MED13: variants seen among roughly 807,000 people sequenced by gnomAD.
MED13 encodes mediator complex subunit 13.
In MED13, 23 loss-of-function variants were observed where a neutral mutation model predicts 225.2. That is an observed-to-expected ratio of 0.10 (90% CI 0.07 to 0.14). The LOEUF is 0.14. Ranked by LOEUF, MED13 falls within the 10% of genes least tolerant of loss-of-function variation. MED13 has a pLI of 1.00. For synonymous variants in MED13, 942 were observed against 889.2 expected (o/e 1.06, Z -1.06); for missense variants, 2,197 against 2,594.5 (o/e 0.85, Z 3.33).
chr17:62,064,069 G>A (rs901971445), intron 1 of MED13, among the ~76,000 whole-genome samples: 2 of 152,188 alleles, frequency 1.3e-5, no homozygotes, highest in East Asian at 1.9e-4. Flanking sequence ...AAGGAGCAAA[G>A]CATAAGGTGC....
intron 11 of MED13, among the ~76,000 whole-genome samples, chr17:61,990,499 G>A (rs1323136724): frequency 4.0e-5 from 6 of 151,662 alleles, no homozygotes. Context: ...AACTGTAACT[G>A]TGTTGTGACA....
At chr17:62,021,497 C>T (rs915944487) in intron 8 of MED13, among the ~76,000 whole-genome samples, 1 of 151,920 alleles carries the variant, frequency 6.6e-6, no homozygotes, top group Non-Finnish European at 1.5e-5. Context: ...GGCGGCCGGG[C>T]AGAGGCGCCC....
chr17:61,959,401 TA>T (rs1399812575), intron 23 of MED13, among the ~76,000 whole-genome samples: 1 of 152,152 alleles, frequency 6.6e-6, no homozygotes, highest in African/African-American at 2.4e-5. Context: ...AAAAGGGTGG[TA>T]TTTTTTTTCT....
At chr17:62,063,362 A>C (rs2081056783) in intron 1 of MED13, 61 bp from the exon 2 acceptor site, 1 of 1,049,840 alleles carries the variant, frequency 9.5e-7, no homozygotes, top group Admixed American at 2.1e-5. Context: ...AAAAGTACTC[A>C]ATATGATGTC....
rs368998634 is a variant in MED13 at position 61,988,735 on chromosome 17, G to GT, written c.2264-1608dup. On this transcript the variant is annotated intron_variant, in intron 11 of 29. Transcript: ENST00000397786. Reference sequence around the variant, plus strand: ...ACCCAATTTGTTTCCGAGTTTTTTCGTTTTTTTTTTTAATGTATGTATTGT... The same window carrying GT: ...ACCCAATTTGTTTCCGAGTTTTTTCGTTTTTTTTTTTTAATGTATGTATTGT... 2.6e-3 allele frequency among the ~76,000 whole-genome samples: 379 copies of GT among 143,478 alleles called. 2 individuals carry two copies. The highest frequency in any genetic ancestry group is 6.7e-3 in the African/African-American group (266 of 39,464). The allele number at this position is 143,478 out of a possible 152,430, so 94.1% of individuals were successfully genotyped here.
chr17:61,946,535 C>T lies in MED13; in HGVS notation c.6458G>A (p.Arg2153His). The T allele has an allele frequency of 8.1e-6, 13 of 1,613,836 alleles. No homozygotes were observed. Among genetic ancestry groups the T allele is most frequent in the Non-Finnish European group, 1.1e-5 (13 of 1,179,766 alleles). ...LTCDPATQDR[R>H]SCLPIHFVVL... ...CACAAAATGAATTGGGAGACATGAGCGTCTGTCCTGGGTTGCAGGGTCACA... is the reference window on the plus strand; with the variant it reads ...CACAAAATGAATTGGGAGACATGAGTGTCTGTCCTGGGTTGCAGGGTCACA... The change falls in exon 30 of 30, where the codon CGC (arginine) becomes CAC (histidine). Residue 2153 changes from arginine to histidine, a missense_variant. Physicochemically the swap from Arg to His is conservative, Grantham distance 29. This residue lies in a region of MED13 where 216 missense variants were observed against 388.9 expected (regional missense o/e 0.56). Coordinates refer to ENST00000397786, the MANE Select transcript of MED13 (RefSeq NM_005121.3).
At chr17:62,021,249 T>C (rs1208906578) in intron 8 of MED13, among the ~76,000 whole-genome samples, 16 of 148,656 alleles carry the variant, frequency 1.1e-4, no homozygotes, top group African/African-American at 4.0e-4. Context: ...GGCTCCTCAC[T>C]TCCCAGTAGG....
chr17:62,065,113 T>C, intron 1 of MED13, 27 bp downstream of exon 1: 3 of 1,513,870 alleles, frequency 2.0e-6, no homozygotes, highest in South Asian at 2.5e-5. Flanking sequence ...CCCCCCTCCC[T>C]CGGCGCCCGC....
chr17:62,050,249 T>C (rs188721488), intron 3 of MED13, among the ~76,000 whole-genome samples: 172 of 151,320 alleles, frequency 1.1e-3, no homozygotes, highest in Non-Finnish European at 1.9e-4. Flanking sequence ...TCCCAGCTAC[T>C]CAGGAGGCTG....
intron 2 of MED13, among the ~76,000 whole-genome samples, chr17:62,057,885 T>C (rs896499031): frequency 2.0e-5 from 3 of 152,232 alleles, no homozygotes; most frequent in African/African-American, 7.2e-5. Context: ...TAACTTGCTA[T>C]GATTTTTTTA....
chr17:62,055,498 T>G (rs1024178738), intron 2 of MED13, among the ~76,000 whole-genome samples: 3 of 152,136 alleles, frequency 2.0e-5, no homozygotes, highest in Admixed American at 6.5e-5. Flanking sequence ...AAATCTATTT[T>G]AGTTAAACTT....
chr17:61,946,436 T>C lies in MED13; in HGVS notation c.*32A>G. 1 of 1,599,066 alleles carries C rather than the reference T, an allele frequency of 6.3e-7. No individual in the cohort carries two copies. Among genetic ancestry groups the C allele is most frequent in the Admixed American group, 1.7e-5 (1 of 57,264 alleles). ...GCAGCGAAACATCCATTTTTCCTTG[T>C]TCTTTTCTTGCACAGTTCCATCAAA... On this transcript the variant is annotated 3_prime_UTR_variant, in exon 30 of 30. Transcript: ENST00000397786.
chr17:62,050,666 A>G (rs2080949047), intron 3 of MED13, among the ~76,000 whole-genome samples: 1 of 152,344 alleles, frequency 6.6e-6, no homozygotes, highest in Non-Finnish European at 1.5e-5. Context: ...GCAGCCTTTC[A>G]TTTTAAATCT....
intron 9 of MED13, among the ~76,000 whole-genome samples, chr17:62,001,509 C>T (rs1040602754): frequency 1.3e-5 from 2 of 152,156 alleles, no homozygotes; most frequent in Non-Finnish European, 2.9e-5. Flanking sequence ...TCAATACTTG[C>T]AATAGTCCCT....
chr17:61,983,855 A>G (rs1417048375), intron 15 of MED13, among the ~76,000 whole-genome samples: 1 of 151,858 alleles, frequency 6.6e-6, no homozygotes, highest in Non-Finnish European at 1.5e-5. Flanking sequence ...CAGCCTCCCA[A>G]GTAGCTGGGA....
intron 9 of MED13, among the ~76,000 whole-genome samples, chr17:62,000,363 A>G (rs1567968993): frequency 6.6e-6 from 1 of 152,092 alleles, no homozygotes; most frequent in East Asian, 1.9e-4. Flanking sequence ...GTTATCAGCA[A>G]TCCCCTCTAT....
At chr17:61,952,895 A>G (rs1284188383) in intron 27 of MED13, 70 bp downstream of exon 27, 8 of 1,529,688 alleles carry the variant, frequency 5.2e-6, no homozygotes, top group African/African-American at 2.8e-5. Context: ...TCGCCCTCCC[A>G]AAGTGCTGGG....
Position 62,011,489 on chromosome 17 carries a change from TTA to T in MED13, c.1284-258_1284-257del, listed in dbSNP as rs148855276. On this transcript the variant is annotated intron_variant, in intron 8 of 29. Coordinates refer to ENST00000397786, the MANE Select transcript of MED13 (RefSeq NM_005121.3). ...AGCCATGTGATCAGACAGCCAAAGA[TTA>T]TGTCTTACATGATTTAAATATTTTA... 5.8e-3 allele frequency among the ~76,000 whole-genome samples: 876 copies of T among 152,328 alleles called. 7 individuals are homozygous for T. The highest frequency in any genetic ancestry group is 0.02 in the African/African-American group (834 of 41,574).
In MED13 at chr17:62,029,961, G is replaced by A. The variant is rs1310230428; in HGVS notation, c.1062C>T (p.Gly354=). 1 of 1,613,206 alleles carries A rather than the reference G, an allele frequency of 6.2e-7. No individual in the cohort carries two copies. Among genetic ancestry groups the A allele is most frequent in the Admixed American group, 1.7e-5 (1 of 59,638 alleles). Residue 354 remains glycine, a synonymous_variant, in exon 7 of 30, where the codon GGC becomes GGT. Coordinates refer to ENST00000397786, the MANE Select transcript of MED13 (RefSeq NM_005121.3). Reference sequence around the variant, plus strand: ...GGTGGCTAGTACTATCGGAGTTGAAGCCATCAGATACTGAAGAAAATTTGA... The same window carrying A: ...GGTGGCTAGTACTATCGGAGTTGAAACCATCAGATACTGAAGAAAATTTGA... ...KWVKFSSVSD[G]FNSDSTSHHG...
Sources: allele counts gnomAD v4.1 joint callset (sites outside exome capture counted in the v4.1 genomes callset), GRCh38; gene constraint gnomAD v4.1.1; regional missense constraint gnomAD v4.1.1; transcripts MANE v1.5; gene names NCBI Gene and HGNC (gene_info 2026-07-23, HGNC 2026-07-21).